OSTN: variants seen among roughly 807,000 people sequenced by gnomAD.
OSTN encodes the protein osteocrin.
Under a neutral mutation model 12.0 loss-of-function variants are expected in OSTN, and 9 were observed. The ratio of observed to expected loss-of-function variants is 0.75; its 90% CI spans 0.45 to 1.30. OSTN has a LOEUF of 1.30. Ranked by LOEUF, OSTN falls within the 50% of genes most tolerant of loss-of-function variation. The pLI is 0.00. For synonymous variants in OSTN, 59 were observed against 56.9 expected (o/e 1.04, Z -0.16); for missense variants, 148 against 152.3 (o/e 0.97, Z 0.15).
chr3:191,202,693 C>T (rs1576920058), intron 1 of OSTN, among the ~76,000 whole-genome samples: 1 of 152,034 alleles, frequency 6.6e-6, no homozygotes, highest in Non-Finnish European at 1.5e-5. Flanking sequence ...CTTAATTTAT[C>T]CAATTTTACC....
At chr3:191,228,645 T>A (rs576149526) in intron 3 of OSTN, 1 of 152,270 alleles carries the variant, frequency 6.6e-6, no homozygotes, top group South Asian at 2.1e-4. Flanking sequence ...GACTGAAAAA[T>A]CTTTAGAAAA....
At chr3:191,256,883 A>T (rs1715682631) in intron 4 of OSTN, among the ~76,000 whole-genome samples, 1 of 152,146 alleles carries the variant, frequency 6.6e-6, no homozygotes, top group African/African-American at 2.4e-5. Context: ...AATTACTTTC[A>T]CTTTAACAAA....
rs529375928 is a variant in OSTN at position 191,218,268 on chromosome 3, C to T, written c.103-479C>T. 1.2e-4 allele frequency among the ~76,000 whole-genome samples: 18 copies of T among 151,968 alleles called. No homozygotes were observed. The Middle Eastern group carries it at 0.01, about 86-fold the overall frequency. On this transcript the variant is annotated intron_variant, in intron 2 of 4. Transcript: ENST00000682035. ...GTTTTATTTTTTCCCTTCGTTATAC[C>T]CCTCTACTATGTGTTTCAGTCCCCA...
intron 4 of OSTN, among the ~76,000 whole-genome samples, chr3:191,257,350 A>G (rs752409341): frequency 5.7e-4 from 87 of 152,218 alleles, no homozygotes; most frequent in Non-Finnish European, 9.4e-4. Flanking sequence ...GTTAATAATT[A>G]GTAACTTTTA....
intron 4 of OSTN, among the ~76,000 whole-genome samples, chr3:191,253,919 C>T (rs1034518578): frequency 1.3e-5 from 2 of 152,122 alleles, no homozygotes; most frequent in Non-Finnish European, 2.9e-5. Context: ...ACTTAAAAAG[C>T]GTTTCACATA....
In OSTN at chr3:191,262,755, T is replaced by A. The variant is rs529330518; in HGVS notation, c.*13-111T>A. 5.2e-5 allele frequency: 33 copies of A among 628,754 alleles called. No homozygotes were observed. The South Asian group carries it at 5.8e-4, about 11-fold the overall frequency. 38.9% of individuals were successfully genotyped at this position (628,754 alleles called of 1,614,324 possible). A position where few individuals can be genotyped will look rare whatever the true frequency, so the allele number is the denominator to read the frequency against. ...ATTGCCATGTAAATAAAGGCTATAA[T>A]GAAACAGCATGTAATTAAAGACTTA... On this transcript the variant is annotated intron_variant, in intron 4 of 4. Transcript: ENST00000682035.
intron 3 of OSTN, among the ~76,000 whole-genome samples, chr3:191,244,693 A>G (rs1715391137): frequency 6.7e-6 from 1 of 149,546 alleles, no homozygotes; most frequent in Non-Finnish European, 1.5e-5. Flanking sequence ...ATGGATATAG[A>G]TTGTATAGAA....
chr3:191,215,964 AC>A (rs1176385205), intron 2 of OSTN, among the ~76,000 whole-genome samples: 2 of 151,806 alleles, frequency 1.3e-5, no homozygotes, highest in Non-Finnish European at 2.9e-5. Flanking sequence ...CAGGGCTCCG[AC>A]CCCACATTTC....
rs887033352 is a variant in OSTN at position 191,231,335 on chromosome 3, C to T, written c.317+12374C>T. On this transcript the variant is annotated intron_variant, in intron 3 of 4. Coordinates refer to ENST00000682035, the MANE Select transcript of OSTN (RefSeq NM_198184.2). ...CTGTCATCTGTTACCAAGGCTTCAG[C>T]GTCATTAAAAAAATCACACATATAT... Among the ~76,000 whole-genome samples, 11 of 151,078 alleles carry T rather than the reference C, an allele frequency of 7.3e-5. No homozygotes were observed. In the East Asian group the frequency reaches 9.8e-4, roughly 13 times the overall value.
At chr3:191,256,473 C>A (rs949240027) in intron 4 of OSTN, among the ~76,000 whole-genome samples, 1 of 152,028 alleles carries the variant, frequency 6.6e-6, no homozygotes, top group Non-Finnish European at 1.5e-5. Context: ...AAAATAAGAT[C>A]ACAGGTCTCT....
At chr3:191,235,759 T>C (rs1261564389) in intron 3 of OSTN, among the ~76,000 whole-genome samples, 1 of 152,182 alleles carries the variant, frequency 6.6e-6, no homozygotes, top group Non-Finnish European at 1.5e-5. Context: ...GTCCCTTTTA[T>C]AATTGACCCA....
Position 191,263,729 on chromosome 3 carries a change from G to A in OSTN, c.*876G>A, listed in dbSNP as rs1576907662. 6.6e-6 allele frequency: 1 copy of A among 152,148 alleles called. No individual in the cohort carries two copies. Among genetic ancestry groups the A allele is most frequent in the South Asian group, 2.1e-4 (1 of 4,816 alleles). The allele number at this position is 152,148 out of a possible 1,614,324, so 9.4% of individuals were successfully genotyped here. On this transcript the variant is annotated 3_prime_UTR_variant, in exon 5 of 5. Coordinates refer to ENST00000682035, the MANE Select transcript of OSTN (RefSeq NM_198184.2). Reference sequence around the variant, plus strand: ...AACTGTTTACTGTGTTTCACATATTGGCTTCTTTGGCTTCAATTGTCTTAT... The same window carrying A: ...AACTGTTTACTGTGTTTCACATATTAGCTTCTTTGGCTTCAATTGTCTTAT...
chr3:191,260,089 A>G (rs959623079), intron 4 of OSTN, among the ~76,000 whole-genome samples: 2 of 151,548 alleles, frequency 1.3e-5, no homozygotes, highest in African/African-American at 4.9e-5. Context: ...TGACCTCATG[A>G]TCCGCCACCT....
intron 3 of OSTN, among the ~76,000 whole-genome samples, chr3:191,238,103 C>G (rs931725484): frequency 1.5e-4 from 23 of 152,102 alleles, no homozygotes; most frequent in Non-Finnish European, 5.9e-5. Context: ...TTTTTTAGCT[C>G]TTATTTGGTC....
At chr3:191,217,577 A>C (rs917918979) in intron 2 of OSTN, among the ~76,000 whole-genome samples, 1 of 152,228 alleles carries the variant, frequency 6.6e-6, no homozygotes, top group Non-Finnish European at 1.5e-5. Flanking sequence ...TGTTAATAGG[A>C]GCATTTAAGA....
intron 1 of OSTN, among the ~76,000 whole-genome samples, chr3:191,203,361 G>C (rs1191503808): frequency 6.6e-5 from 10 of 152,176 alleles, no homozygotes; most frequent in African/African-American, 2.2e-4. Flanking sequence ...AGATCTGGGG[G>C]TTTAAAATAA....
chr3:191,212,407 C>T (rs78834434), intron 1 of OSTN, 126 bp from the exon 2 acceptor site: 13,734 of 384,936 alleles, frequency 0.036, 872 homozygotes, highest in East Asian at 0.24. Context: ...TAGAGATGCA[C>T]TCAAATATAC....
chr3:191,251,043 G>C (rs1171075304), intron 4 of OSTN, among the ~76,000 whole-genome samples: 2 of 152,012 alleles, frequency 1.3e-5, no homozygotes, highest in East Asian at 3.9e-4. Flanking sequence ...CATTAAATTA[G>C]AATAATAATT....
chr3:191,227,782 T>G (rs951219144), intron 3 of OSTN, among the ~76,000 whole-genome samples: 8 of 152,110 alleles, frequency 5.3e-5, no homozygotes, highest in Non-Finnish European at 1.2e-4. Flanking sequence ...TAGTGATTGT[T>G]TTTAGGAATT....
Sources: allele counts gnomAD v4.1 joint callset (sites outside exome capture counted in the v4.1 genomes callset), GRCh38; gene constraint gnomAD v4.1.1; transcripts MANE v1.5; gene names NCBI Gene and HGNC (gene_info 2026-07-23, HGNC 2026-07-21).